The following MRTFB variants were observed in gnomAD, a reference collection of about 807,000 sequenced individuals.
The protein encoded by MRTFB is myocardin related transcription factor B, also known as myocardin-related transcription factor B.
In MRTFB, 29 loss-of-function variants were observed where a neutral mutation model predicts 104.2. The ratio of observed to expected loss-of-function variants is 0.28; its 90% CI spans 0.21 to 0.38. The LOEUF (loss-of-function observed/expected upper bound fraction) is 0.38, where lower values mean the gene tolerates loss of function less well. MRTFB is among the 10% of genes least tolerant of loss of function. The pLI is 1.00. For synonymous variants in MRTFB, 535 were observed against 519.5 expected, an observed-to-expected ratio of 1.03 and a Z score of -0.41; for missense variants, 1,270 against 1,341.6, an observed-to-expected ratio of 0.95 and a Z score of 0.83.
chr16:14,113,015 G>T (rs1025353974), intron 2 of MRTFB, among the ~76,000 whole-genome samples: 2 of 152,100 alleles, frequency 1.3e-5, no homozygotes, highest in African/African-American at 4.8e-5. Flanking sequence ...TTTCTGTCTA[G>T]GTTATTATGT....
intron 2 of MRTFB, among the ~76,000 whole-genome samples, chr16:14,131,000 G>A (rs2037412569): frequency 1.3e-5 from 2 of 152,098 alleles, no homozygotes; most frequent in African/African-American, 4.8e-5. Context: ...GGGATTATGG[G>A]AACTACAATT....
chr16:14,249,486 T>C lies in MRTFB; in HGVS notation c.2403+405T>C, dbSNP rs1000481769. 4.6e-5 allele frequency among the ~76,000 whole-genome samples: 7 copies of C among 152,378 alleles called. No homozygotes were observed. In the East Asian group the frequency reaches 5.8e-4, roughly 13 times the overall value. On this transcript the variant is annotated intron_variant, in intron 13 of 16. Coordinates refer to ENST00000571589, the MANE Select transcript of MRTFB (RefSeq NM_001308142.2). ...AAAGATACTCCCAAAATGTTTATGC[T>C]GAGTAAGATCTTGAAATACATTTGT...
the MRTFB span, among the ~76,000 whole-genome samples, chr16:14,006,353 A>T: frequency 6.6e-6 from 1 of 151,956 alleles, no homozygotes; most frequent in Admixed American, 6.6e-5. Flanking sequence ...AAAAGAAAAA[A>T]AAAAATACAA....
At chr16:14,110,794 C>A (rs1428149588) in intron 2 of MRTFB, among the ~76,000 whole-genome samples, 1 of 152,154 alleles carries the variant, frequency 6.6e-6, no homozygotes, top group East Asian at 1.9e-4. Context: ...CATCCTCTTG[C>A]CTTCCACCCT....
intron 8 of MRTFB, among the ~76,000 whole-genome samples, chr16:14,224,604 C>T: frequency 6.6e-6 from 1 of 150,938 alleles, no homozygotes; most frequent in African/African-American, 2.4e-5. Context: ...TGACTGGTCA[C>T]CTACAAGGAA....
rs1310520297 is a variant in MRTFB at position 14,261,689 on chromosome 16, A to C, written c.*245A>C. ...AAATCGCACTTGTCAAAGACGACTC[A>C]TCTATTTCTCCAGACTTCAGTAAAG... On this transcript the variant is annotated 3_prime_UTR_variant, in exon 17 of 17. Transcript: ENST00000571589. 1 of 439,928 alleles carries C rather than the reference A, an allele frequency of 2.3e-6. No homozygotes were observed. Among genetic ancestry groups the C allele is most frequent in the Non-Finnish European group, 4.0e-6 (1 of 250,392 alleles). The allele number at this position is 439,928 out of a possible 1,614,324, so 27.3% of individuals were successfully genotyped here.
chr16:14,245,479 A>T, intron 10 of MRTFB, 49 bp from the exon 11 acceptor site: 1 of 1,526,392 alleles, frequency 6.6e-7, no homozygotes, highest in Non-Finnish European at 8.9e-7. Context: ...GCAATGTCAA[A>T]TCTAGAAATT....
chr16:14,197,043 C>T (rs1397223227), intron 3 of MRTFB, among the ~76,000 whole-genome samples: 1 of 140,184 alleles, frequency 7.1e-6, no homozygotes, highest in Non-Finnish European at 1.5e-5. Context: ...GATTGCGGCT[C>T]ACTACAACCT....
intron 6 of MRTFB, among the ~76,000 whole-genome samples, chr16:14,216,109 C>G (rs1198478499): frequency 6.6e-6 from 1 of 152,232 alleles, no homozygotes; most frequent in Non-Finnish European, 1.5e-5. Context: ...TCAAGGCTCA[C>G]TTTTGGCAAG....
At chr16:14,027,231 T>A in the MRTFB span, among the ~76,000 whole-genome samples, 1 of 152,108 alleles carries the variant, frequency 6.6e-6, no homozygotes. Flanking sequence ...ATTCAACAAT[T>A]TGAGTGAACC....
intron 6 of MRTFB, among the ~76,000 whole-genome samples, chr16:14,216,191 C>T (rs1342980959): frequency 6.6e-6 from 1 of 152,178 alleles, no homozygotes; most frequent in African/African-American, 2.4e-5. Flanking sequence ...CATGTGCTTT[C>T]AGTGAGCCTT....
intron 10 of MRTFB, chr16:14,241,034 T>G (rs2042744437): frequency 2.0e-6 from 1 of 495,416 alleles, no homozygotes; most frequent in Non-Finnish European, 3.5e-6. Context: ...TGATTAATTT[T>G]TAAGTAAAAA....
chr16:14,100,220 G>A (rs2035626132), intron 2 of MRTFB, among the ~76,000 whole-genome samples: 1 of 152,152 alleles, frequency 6.6e-6, no homozygotes, highest in African/African-American at 2.4e-5. Context: ...ATTATTAAGT[G>A]TGATGTTAGC....
chr16:14,000,652 C>G, the MRTFB span, among the ~76,000 whole-genome samples: 1 of 152,224 alleles, frequency 6.6e-6, no homozygotes, highest in Non-Finnish European at 1.5e-5. Context: ...GGACAGCCAT[C>G]CAGGCTGGGT....
the MRTFB span, among the ~76,000 whole-genome samples, chr16:14,006,369 A>C: frequency 6.6e-6 from 1 of 151,812 alleles, no homozygotes; most frequent in South Asian, 2.1e-4. Context: ...TACAAAAATT[A>C]GCTGGTTGTG....
rs533792154 is a variant in MRTFB at position 14,152,672 on chromosome 16, T to G, written c.154+11912T>G. ...GGATTTATTTGGCTTGTAGTTGTCC[T>G]TAACTGCTAACAGCCTCATGGTGGT... On this transcript the variant is annotated intron_variant, in intron 3 of 16. Transcript: ENST00000571589. 2.6e-5 allele frequency: 4 copies of G among 152,326 alleles called. No individual in the cohort carries two copies. The South Asian group carries it at 6.2e-4, about 24-fold the overall frequency. 9.4% of individuals were successfully genotyped at this position (152,326 alleles called of 1,614,324 possible). A position where few individuals can be genotyped will look rare whatever the true frequency, so the allele number is the denominator to read the frequency against.
the MRTFB span, among the ~76,000 whole-genome samples, chr16:14,046,199 G>T: frequency 6.6e-6 from 1 of 152,162 alleles, no homozygotes; most frequent in Non-Finnish European, 1.5e-5. Context: ...GGTGGTGCAT[G>T]CTTATAGTCC....
intron 2 of MRTFB, among the ~76,000 whole-genome samples, chr16:14,138,023 A>G (rs1431411473): frequency 6.6e-6 from 1 of 152,062 alleles, no homozygotes; most frequent in Non-Finnish European, 1.5e-5. Flanking sequence ...AGCTGAAACT[A>G]TTTGTATTTT....
At chr16:14,077,572 G>A (rs1178738027) in intron 1 of MRTFB, among the ~76,000 whole-genome samples, 1 of 147,114 alleles carries the variant, frequency 6.8e-6, no homozygotes, top group African/African-American at 2.5e-5. Flanking sequence ...CTTTAGAATC[G>A]TTTTGTCTAG....
Sources: allele counts gnomAD v4.1 joint callset (sites outside exome capture counted in the v4.1 genomes callset), GRCh38; gene constraint gnomAD v4.1.1; transcripts MANE v1.5; gene names NCBI Gene and HGNC (gene_info 2026-07-23, HGNC 2026-07-21).